ACTR10: variants seen among roughly 807,000 people sequenced by gnomAD.
ACTR10 encodes the protein actin-related protein 10.
Under a neutral mutation model 56.2 loss-of-function variants are expected in ACTR10, and 43 were observed. That is an observed-to-expected ratio of 0.77 (90% confidence interval 0.60 to 0.99). The LOEUF (loss-of-function observed/expected upper bound fraction) is 0.99, where lower values mean the gene tolerates loss of function less well. ACTR10 is among the 50% of genes least tolerant of loss of function. ACTR10 has a pLI of 0.00. For missense variants in ACTR10, 466 were observed against 507.8 expected (o/e 0.92, Z 0.79); for synonymous variants, 170 against 176.3 (o/e 0.96, Z 0.28).
rs752213290 is a variant in ACTR10 at position 58,232,137 on chromosome 14, A to G, written c.942A>G (p.Gly314=). 2 of 1,613,990 alleles carry G rather than the reference A, an allele frequency of 1.2e-6. No homozygotes were observed. Among genetic ancestry groups the G allele is most frequent in the South Asian group, 2.2e-5 (2 of 91,084 alleles). ...TAGGTGGCACTTCTATGTTGCCAGG[A>G]TTTCTCCACAGATTGCTTGCAGAAA... ...VVIGGTSMLP[G]FLHRLLAEIR... The change falls in exon 12 of 13, where the codon GGA becomes GGG. Residue 314 remains glycine, a synonymous_variant. Transcript: ENST00000254286.
chr14:58,234,577 T>G lies in ACTR10; in HGVS notation c.*26T>G. Reference sequence around the variant, plus strand: ...AAGTTTGATTAAAAATCAACCTTGCTTCATATCAAATATTTAACCAATTAT... The same window carrying G: ...AAGTTTGATTAAAAATCAACCTTGCGTCATATCAAATATTTAACCAATTAT... On this transcript the variant is annotated 3_prime_UTR_variant, in exon 13 of 13. Coordinates refer to ENST00000254286, the MANE Select transcript of ACTR10 (RefSeq NM_018477.3). The G allele has an allele frequency of 6.3e-7, 1 of 1,593,002 alleles. No individual in the cohort carries two copies. The highest frequency in any genetic ancestry group is 8.6e-7 in the Non-Finnish European group (1 of 1,167,432).
At position 58,223,671 on chromosome 14, in the gene ACTR10, A is replaced by T; in HGVS notation, c.684A>T (p.Ala228=). The T allele has an allele frequency of 6.2e-7, 1 of 1,613,510 alleles. No individual in the cohort carries two copies. Among genetic ancestry groups the T allele is most frequent in the Non-Finnish European group, 8.5e-7 (1 of 1,179,848 alleles). ...SDLKRGLKIQ[A]AKFNIDGNNE... is the part of the protein sequence containing the mutation. The stretch of plus-strand genomic sequence containing the variant: ...TGAAGCGAGGACTAAAAATCCAAGC[A>T]GCAAAATTTAATATTGATGGGAATA... Residue 228 remains alanine (A), a synonymous_variant, in exon 9 of 13, where the codon GCA becomes GCT. Transcript: ENST00000254286.
Position 58,234,745 on chromosome 14 carries a change from C to T in ACTR10, c.*194C>T, listed in dbSNP as rs1389294874. On this transcript the variant is annotated 3_prime_UTR_variant, in exon 13 of 13. Transcript: ENST00000254286. ...TGTAGTGGTAAAATGGTAGCTGGTG[C>T]TTATTGAGATTTGCTGTATTTATAT... 2.4e-6 allele frequency: 1 copy of T among 420,420 alleles called. No individual in the cohort carries two copies. The highest frequency in any genetic ancestry group is 4.0e-6 in the Non-Finnish European group (1 of 247,484). 26.0% of individuals were successfully genotyped at this position (420,420 alleles called of 1,614,324 possible).
Position 58,207,809 on chromosome 14 carries a change from T to A in ACTR10, c.151-127T>A, listed in dbSNP as rs185801663. 215 of 492,398 alleles carry A rather than the reference T, an allele frequency of 4.4e-4. No homozygotes were observed. In the East Asian group the frequency reaches 0.011, roughly 26 times the overall value. The allele number at this position is 492,398 out of a possible 1,614,324, so 30.5% of individuals were successfully genotyped here. Reference sequence around the variant, plus strand: ...TAAGAGATTACTCTGTATTTAATTTTTATATTCTCAATACAGATTGCTTTT... The same window carrying A: ...TAAGAGATTACTCTGTATTTAATTTATATATTCTCAATACAGATTGCTTTT... On this transcript the variant is annotated intron_variant, in intron 2 of 12. Transcript: ENST00000254286.
At chr14:58,209,208 T>G in intron 4 of ACTR10, 101 bp downstream of exon 4, 1 of 796,100 alleles carries the variant, frequency 1.3e-6, no homozygotes, top group Non-Finnish European at 1.9e-6. Flanking sequence ...TCTTTTTTTT[T>G]GTTGGTAGGT....
chr14:58,225,449 A>G (rs1889374867), intron 10 of ACTR10, among the ~76,000 whole-genome samples: 1 of 152,172 alleles, frequency 6.6e-6, no homozygotes, highest in African/African-American at 2.4e-5. Flanking sequence ...ACATCCTATT[A>G]GGTTTTGAGT....
chr14:58,206,894 G>A (rs1049256641), intron 2 of ACTR10, among the ~76,000 whole-genome samples: 1 of 152,162 alleles, frequency 6.6e-6, no homozygotes, highest in African/African-American at 2.4e-5. Flanking sequence ...CAGAAAGGGG[G>A]ACATTTTACA....
chr14:58,209,190 C>A, intron 4 of ACTR10, 83 bp downstream of exon 4: 2 of 963,910 alleles, frequency 2.1e-6, no homozygotes, highest in Non-Finnish European at 3.0e-6. Context: ...TTTAGGGAAT[C>A]TTTCTTCTCT....
At chr14:58,204,812 T>G (rs1204090837) in intron 2 of ACTR10, among the ~76,000 whole-genome samples, 1 of 152,244 alleles carries the variant, frequency 6.6e-6, no homozygotes, top group Non-Finnish European at 1.5e-5. Flanking sequence ...TTTTTCTTGA[T>G]GAAAGTTATA....
At chr14:58,212,401 A>G (rs1566624803) in intron 5 of ACTR10, among the ~76,000 whole-genome samples, 1 of 152,214 alleles carries the variant, frequency 6.6e-6, no homozygotes, top group Non-Finnish European at 1.5e-5. Flanking sequence ...ATCTCTTAGA[A>G]TTGTCCTAGT....
chr14:58,222,764 GAAAAAAAA>G (rs58412717), intron 8 of ACTR10, among the ~76,000 whole-genome samples: 12 of 76,342 alleles, frequency 1.6e-4, no homozygotes, highest in South Asian at 4.9e-4. Flanking sequence ...GACTCTGTCA[GAAAAAAAA>G]AAAAAAAAAA....
intron 6 of ACTR10, among the ~76,000 whole-genome samples, 176 bp from the exon 7 acceptor site, chr14:58,215,029 C>T (rs1194250636): frequency 6.6e-6 from 1 of 151,748 alleles, no homozygotes. Flanking sequence ...TCACATGAAC[C>T]TAGGAGGTGA....
chr14:58,223,746 C>T (rs1217557470), intron 9 of ACTR10, 37 bp from the exon 10 acceptor site: 1 of 1,605,240 alleles, frequency 6.2e-7, no homozygotes, highest in Non-Finnish European at 8.5e-7. Context: ...AAGGTTACAA[C>T]ATGTGTGGAC....
At chr14:58,222,224 TTGCA>T (rs1244988138) in intron 8 of ACTR10, among the ~76,000 whole-genome samples, 1 of 152,176 alleles carries the variant, frequency 6.6e-6, no homozygotes, top group Non-Finnish European at 1.5e-5. Context: ...GTCAGATTTC[TTGCA>T]TTTAACATCA....
chr14:58,200,362 C>A, intron 1 of ACTR10, 68 bp downstream of exon 1: 2 of 1,324,762 alleles, frequency 1.5e-6, no homozygotes, highest in Non-Finnish European at 9.9e-7. Context: ...CCAGGCACTG[C>A]CTGGGTCCTC....
intron 1 of ACTR10, among the ~76,000 whole-genome samples, chr14:58,200,851 CAT>C (rs1281946450): frequency 2.6e-5 from 4 of 152,230 alleles, no homozygotes; most frequent in African/African-American, 7.2e-5. Flanking sequence ...TTAGATTTGA[CAT>C]GTTTTAAACA....
intron 10 of ACTR10, among the ~76,000 whole-genome samples, chr14:58,225,413 C>CA (rs35670909): frequency 0.22 from 33,791 of 151,778 alleles, 4,136 homozygotes; most frequent in Middle Eastern, 0.33. Context: ...AGAAGATACA[C>CA]AAAAAATTAT....
intron 8 of ACTR10, among the ~76,000 whole-genome samples, chr14:58,222,488 G>A (rs1482532493): frequency 3.3e-5 from 5 of 152,206 alleles, no homozygotes; most frequent in Non-Finnish European, 7.3e-5. Context: ...GTACCAGCCA[G>A]GCGCAGTGGC....
chr14:58,222,324 A>C (rs1355231969), intron 8 of ACTR10, among the ~76,000 whole-genome samples: 1 of 152,220 alleles, frequency 6.6e-6, no homozygotes. Flanking sequence ...TTTGCAATAG[A>C]ATTTTTAAAA....
Sources: gnomAD v4.1 joint callset for allele counts (sites outside exome capture counted in the v4.1 genomes callset) on GRCh38, gnomAD v4.1.1 for gene constraint, MANE v1.5 for transcripts, NCBI Gene and HGNC (gene_info 2026-07-23, HGNC 2026-07-21) for gene names.